FNDC1: variants seen among roughly 807,000 people sequenced by gnomAD.
FNDC1 encodes the protein fibronectin type III domain containing 1, also known as fibronectin type III domain-containing protein 1.
FNDC1 carries 96 observed loss-of-function variants against 168.0 expected under a neutral mutation model. That is an observed-to-expected ratio of 0.57 (90% CI 0.48 to 0.68). The LOEUF is 0.68. Ranked by LOEUF, FNDC1 falls within the 30% of genes least tolerant of loss-of-function variation. The probability of loss-of-function intolerance (pLI) is 0.00; values close to 1 mark genes in which losing one functional copy is unlikely to be tolerated. For synonymous variants in FNDC1, 1,099 were observed against 1,025.9 expected (o/e 1.07, Z -1.36); for missense variants, 2,587 against 2,482.1 (o/e 1.04, Z -0.90).
chr6:159,268,683 T>TATCTA (rs376364531), intron 22 of FNDC1, among the ~76,000 whole-genome samples: 3,200 of 150,816 alleles, frequency 0.021, 116 homozygotes, highest in African/African-American at 0.074. Context: ...TCTATCCATC[T>TATCTA]ATCTATCCAT....
chr6:159,195,394 A>C (rs1782222616), intron 1 of FNDC1, among the ~76,000 whole-genome samples: 1 of 114,736 alleles, frequency 8.7e-6, no homozygotes, highest in Non-Finnish European at 1.7e-5. Context: ...AGAGAGGAAG[A>C]TGGTGGGGGA....
At chr6:159,230,047 C>T (rs775685626) in intron 10 of FNDC1, 44 bp downstream of exon 10, 19 of 1,536,172 alleles carry the variant, frequency 1.2e-5, no homozygotes, top group Non-Finnish European at 1.6e-5. Context: ...TCTCTTCATT[C>T]CTGCTGTTTG....
chr6:159,179,565 A>G (rs990674228), intron 1 of FNDC1, among the ~76,000 whole-genome samples: 3 of 152,196 alleles, frequency 2.0e-5, no homozygotes, highest in African/African-American at 7.2e-5. Context: ...CCTGCCTTTA[A>G]CAGGGTAATC....
intron 22 of FNDC1, among the ~76,000 whole-genome samples, chr6:159,268,725 T>TCTATCTAC (rs1777643046): frequency 6.6e-6 from 1 of 151,236 alleles, no homozygotes; most frequent in Non-Finnish European, 1.5e-5. Flanking sequence ...TATGCATCCA[T>TCTATCTAC]CTATCTATCT....
Position 159,232,290 on chromosome 6 carries a change from G to A in FNDC1, c.1778G>A (p.Arg593Gln), listed in dbSNP as rs1289859555. Residue 593 changes from arginine to glutamine, a missense_variant, in exon 11 of 23, where the codon CGA becomes CAA. Arg to Gln is a conservative substitution (Grantham distance 43). Coordinates refer to ENST00000297267, the MANE Select transcript of FNDC1 (RefSeq NM_032532.3). The surrounding 1 kb of genome is among the most constrained non-coding windows in gnomAD (Gnocchi z 4.9). ...AGGGCCCGGATGCCAGCGCTGCCCC[G>A]AAGGGAAGGCGTAGATAAGCCTGGC... ...AVRARMPALP[R>Q]REGVDKPGFS... 1.9e-6 allele frequency: 3 copies of A among 1,611,640 alleles called. No individual in the cohort carries two copies. The highest frequency in any genetic ancestry group is 2.2e-5 in the East Asian group (1 of 44,784).
intron 1 of FNDC1, among the ~76,000 whole-genome samples, chr6:159,171,937 G>A (rs2114911552): frequency 6.6e-6 from 1 of 152,190 alleles, no homozygotes; most frequent in South Asian, 2.1e-4. Flanking sequence ...TTTCACAGTT[G>A]ACATTTGCAC....
At chr6:159,179,920 G>A (rs1307849682) in intron 1 of FNDC1, among the ~76,000 whole-genome samples, 2 of 152,192 alleles carry the variant, frequency 1.3e-5, no homozygotes, top group Non-Finnish European at 2.9e-5. Flanking sequence ...ACAGTGCCCT[G>A]CTTCCCTCCC....
intron 4 of FNDC1, 56 bp from the exon 5 acceptor site, chr6:159,214,889 T>A (rs1782676514): frequency 1.3e-6 from 2 of 1,529,986 alleles, no homozygotes; most frequent in South Asian, 1.1e-5. Context: ...ATGTGCATGA[T>A]GGCAAACTCT....
At chr6:159,267,400 C>A (rs2115033792) in intron 21 of FNDC1, among the ~76,000 whole-genome samples, 1 of 152,290 alleles carries the variant, frequency 6.6e-6, no homozygotes, top group South Asian at 2.1e-4. Context: ...AGGCCCGCCC[C>A]CTCCTAGTTA....
chr6:159,242,153 A>G (rs1783435862), intron 14 of FNDC1, among the ~76,000 whole-genome samples: 1 of 152,244 alleles, frequency 6.6e-6, no homozygotes, highest in South Asian at 2.1e-4. Context: ...CTATGCAGCC[A>G]TAAAAGGAAT....
At chr6:159,230,347 A>G (rs918550236) in intron 10 of FNDC1, among the ~76,000 whole-genome samples, 4 of 152,150 alleles carry the variant, frequency 2.6e-5, no homozygotes, top group Admixed American at 6.6e-5. Flanking sequence ...GCTCTCTTCA[A>G]TTTCTATGTA....
At chr6:159,230,025 C>T in intron 10 of FNDC1, 22 bp downstream of exon 10, 4 of 1,591,106 alleles carry the variant, frequency 2.5e-6, no homozygotes, top group Non-Finnish European at 3.4e-6. Context: ...GTGTCTGTGG[C>T]TGTCTTCTCT....
intron 1 of FNDC1, among the ~76,000 whole-genome samples, chr6:159,196,321 TC>T (rs1255439537): frequency 1.8e-4 from 28 of 152,240 alleles, no homozygotes; most frequent in African/African-American, 6.8e-4. Context: ...TCTTCTTTCA[TC>T]CCTTGAATTT....
intron 19 of FNDC1, among the ~76,000 whole-genome samples, chr6:159,263,894 G>C (rs562122218): frequency 6.6e-6 from 1 of 152,368 alleles, no homozygotes; most frequent in Non-Finnish European, 1.5e-5. Flanking sequence ...GGTGGAGGTT[G>C]CAGTGAGCCG....
intron 1 of FNDC1, among the ~76,000 whole-genome samples, chr6:159,171,312 A>G (rs180781039): frequency 2.0e-5 from 3 of 152,360 alleles, no homozygotes; most frequent in African/African-American, 7.2e-5. Context: ...AATGAAATCT[A>G]CTAAATTTAA....
At chr6:159,266,319 A>T in intron 21 of FNDC1, 74 bp downstream of exon 21, 4 of 1,481,686 alleles carry the variant, frequency 2.7e-6, no homozygotes, top group Non-Finnish European at 3.8e-6. Flanking sequence ...TTGGCACCAC[A>T]GGTGCATCGG....
chr6:159,214,964 G>A lies in FNDC1; in HGVS notation c.480G>A (p.Lys160=). ...TTTAAGAAAAGGAAGTGCCCAACAA[G>A]CCCTTGCGTGTGCGTGTCCGGTCCT... is the stretch of plus-strand genomic sequence containing the variant. ...ETVTEKEVPN[K]PLRVRVRSSD... The change falls in exon 5 of 23, where the codon AAG becomes AAA. Residue 160 remains lysine (K), a synonymous_variant. Coordinates refer to ENST00000297267, the MANE Select transcript of FNDC1 (RefSeq NM_032532.3). 6.2e-7 allele frequency: 1 copy of A among 1,613,928 alleles called. No homozygotes were observed.
rs770745264 is a variant in FNDC1, at chr6:159,232,328, A to G, written c.1816A>G (p.Thr606Ala). The G allele has an allele frequency of 1.9e-6, 3 of 1,613,316 alleles. No homozygotes were observed. Among genetic ancestry groups the G allele is most frequent in the Non-Finnish European group, 2.5e-6 (3 of 1,179,658 alleles). The change falls in exon 11 of 23, where the codon ACG becomes GCG. Residue 606 changes from threonine to alanine, a missense_variant. Physicochemically the swap from Thr to Ala is moderately conservative, Grantham distance 58. Coordinates refer to ENST00000297267, the MANE Select transcript of FNDC1 (RefSeq NM_032532.3). This position sits in a 1 kb window ranked among gnomAD's most constrained non-coding sequence, Gnocchi z 4.9. ...GVDKPGFSLA[T>A]QPRPGAPPSA... Reference sequence around the variant, plus strand: ...AGATAAGCCTGGCTTTTCCCTGGCCACGCAGCCCCGCCCAGGGGCGCCCCC... The same window carrying G: ...AGATAAGCCTGGCTTTTCCCTGGCCGCGCAGCCCCGCCCAGGGGCGCCCCC...
chr6:159,238,995 A>C (rs554288741), intron 13 of FNDC1, among the ~76,000 whole-genome samples: 4 of 152,288 alleles, frequency 2.6e-5, no homozygotes, highest in East Asian at 1.9e-4. Context: ...AATAGTTTTT[A>C]CATTTTTAAA....
Sources: gnomAD v4.1 joint callset for allele counts (sites outside exome capture counted in the v4.1 genomes callset) on GRCh38, gnomAD v4.1.1 for gene constraint, Gnocchi (gnomAD v3.1) non-coding constraint, MANE v1.5 for transcripts, NCBI Gene and HGNC (gene_info 2026-07-23, HGNC 2026-07-21) for gene names.